MAGI1: variants seen among roughly 807,000 people sequenced by gnomAD.
MAGI1 encodes the protein membrane-associated guanylate kinase, WW and PDZ domain-containing protein 1.
A neutral mutation model predicts 139.9 loss-of-function variants in MAGI1; 58 were observed. That is an observed-to-expected ratio of 0.41 (90% CI 0.34 to 0.52). The LOEUF (loss-of-function observed/expected upper bound fraction) is 0.52. MAGI1 is among the 20% of genes least tolerant of loss of function. The pLI is 0.12. For synonymous variants in MAGI1, 812 were observed against 737.9 expected, an observed-to-expected ratio of 1.10 and a Z score of -1.63; for missense variants, 1,874 against 1,901.6, an observed-to-expected ratio of 0.99 and a Z score of 0.27.
chr3:65,524,370 T>G lies in MAGI1; in HGVS notation c.431-30739A>C, dbSNP rs527457901. Among the ~76,000 whole-genome samples, 148 of 152,354 alleles carry G rather than the reference T, an allele frequency of 9.7e-4. No homozygotes were observed. In the Middle Eastern group the frequency reaches 0.01, roughly 11 times the overall value. On this transcript the variant is annotated intron_variant, in intron 2 of 22. Coordinates refer to ENST00000402939, the MANE Select transcript of MAGI1 (RefSeq NM_001033057.2). ...GCAGCTCATAAAATTGCTGTAAGAA[T>G]GTCTAAGCAATAATGAATAGAAAGT...
chr3:65,910,493 GC>G (rs1237301928), intron 1 of MAGI1, among the ~76,000 whole-genome samples: 2 of 152,124 alleles, frequency 1.3e-5, no homozygotes, highest in African/African-American at 4.8e-5. Flanking sequence ...ATTGCAAATG[GC>G]TTTCCTGTTT....
At chr3:65,879,764 T>C (rs2060252851) in intron 1 of MAGI1, among the ~76,000 whole-genome samples, 1 of 152,186 alleles carries the variant, frequency 6.6e-6, no homozygotes, top group Non-Finnish European at 1.5e-5. Flanking sequence ...TTATTATTAT[T>C]CCCACTTTAC....
chr3:65,447,188 C>T (rs1015465718), intron 7 of MAGI1, among the ~76,000 whole-genome samples: 4 of 152,192 alleles, frequency 2.6e-5, no homozygotes, highest in African/African-American at 9.7e-5. Flanking sequence ...AGCAATTTAG[C>T]TGAAACTTAT....
chr3:65,818,142 A>C (rs187075062), intron 1 of MAGI1, among the ~76,000 whole-genome samples: 2 of 152,304 alleles, frequency 1.3e-5, no homozygotes, highest in African/African-American at 4.8e-5. Context: ...ATACACACAC[A>C]ATATTCTATG....
At chr3:65,565,058 A>G (rs2080547373) in intron 2 of MAGI1, among the ~76,000 whole-genome samples, 1 of 152,208 alleles carries the variant, frequency 6.6e-6, no homozygotes, top group African/African-American at 2.4e-5. Flanking sequence ...GATAACACGA[A>G]TAGGCTCCAA....
intron 1 of MAGI1, among the ~76,000 whole-genome samples, chr3:65,968,569 G>A (rs540066433): frequency 1.2e-3 from 182 of 151,628 alleles, no homozygotes; most frequent in African/African-American, 3.8e-3. Flanking sequence ...TAAGGTGTGT[G>A]TGTATATGCA....
chr3:65,771,931 G>A (rs554416083), intron 1 of MAGI1, among the ~76,000 whole-genome samples: 10 of 152,186 alleles, frequency 6.6e-5, no homozygotes, highest in South Asian at 2.1e-4. Context: ...GGCCAGGCGC[G>A]GTGGCTCACG....
chr3:65,990,562 T>C (rs1419325936), intron 1 of MAGI1, among the ~76,000 whole-genome samples: 1 of 152,162 alleles, frequency 6.6e-6, no homozygotes, highest in African/African-American at 2.4e-5. Context: ...TGATGTTCCT[T>C]TGAGCCGGTT....
At chr3:65,789,554 C>G (rs1295086016) in intron 1 of MAGI1, among the ~76,000 whole-genome samples, 1 of 152,090 alleles carries the variant, frequency 6.6e-6, no homozygotes, top group Admixed American at 6.5e-5. Context: ...AGATGATCAC[C>G]AGAGAAGTTA....
intron 1 of MAGI1, among the ~76,000 whole-genome samples, chr3:65,970,759 T>C (rs1031212236): frequency 6.6e-6 from 1 of 152,192 alleles, no homozygotes; most frequent in South Asian, 2.1e-4. Context: ...GGAAGTTTGT[T>C]ACACAGCATG....
At chr3:66,032,833 T>G (rs1019435656) in intron 1 of MAGI1, among the ~76,000 whole-genome samples, 2 of 147,310 alleles carry the variant, frequency 1.4e-5, no homozygotes, top group African/African-American at 2.5e-5. Flanking sequence ...CAGAATTGCT[T>G]GAACCCGGGA....
At chr3:65,449,816 A>G (rs1948915610) in intron 6 of MAGI1, among the ~76,000 whole-genome samples, 1 of 152,114 alleles carries the variant, frequency 6.6e-6, no homozygotes, top group South Asian at 2.1e-4. Context: ...AGAACAGGAG[A>G]CAAATCCAAG....
intron 1 of MAGI1, among the ~76,000 whole-genome samples, chr3:65,984,076 C>G: frequency 6.6e-6 from 1 of 152,102 alleles, no homozygotes; most frequent in Non-Finnish European, 1.5e-5. Flanking sequence ...GGTGGATCAC[C>G]TGAGGTCAGG....
intron 1 of MAGI1, among the ~76,000 whole-genome samples, chr3:65,953,449 A>G (rs2063961924): frequency 1.3e-5 from 2 of 152,150 alleles, no homozygotes. Context: ...CCAGCCTGAG[A>G]GCGATTACAC....
intron 2 of MAGI1, among the ~76,000 whole-genome samples, chr3:65,589,983 C>T (rs980100060): frequency 4.6e-5 from 7 of 152,140 alleles, no homozygotes; most frequent in Non-Finnish European, 7.4e-5. Context: ...GCACACTCAA[C>T]GATCCATGAC....
At chr3:65,444,150 T>C (rs1432298502) in intron 7 of MAGI1, among the ~76,000 whole-genome samples, 1 of 152,116 alleles carries the variant, frequency 6.6e-6, no homozygotes, top group Admixed American at 6.6e-5. Context: ...AGAAAAAACA[T>C]TTAGCAAGTT....
At chr3:65,380,859 CAA>C (rs1372821383) in intron 16 of MAGI1, 1 of 152,122 alleles carries the variant, frequency 6.6e-6, no homozygotes, top group Admixed American at 6.5e-5. Flanking sequence ...TGTGAGGTCA[CAA>C]ACACACTGGA....
intron 1 of MAGI1, among the ~76,000 whole-genome samples, chr3:65,901,646 G>A (rs1300193209): frequency 6.6e-6 from 1 of 152,210 alleles, no homozygotes; most frequent in Non-Finnish European, 1.5e-5. Context: ...CTTCAGAACG[G>A]TGAAAATCAT....
At chr3:65,668,025 T>C (rs761106510) in intron 1 of MAGI1, among the ~76,000 whole-genome samples, 5 of 152,188 alleles carry the variant, frequency 3.3e-5, no homozygotes, top group Non-Finnish European at 7.3e-5. Context: ...ATCAGGTTTT[T>C]CTGAGAGATA....
Sources: gnomAD v4.1 joint callset for allele counts (sites outside exome capture counted in the v4.1 genomes callset) on GRCh38, gnomAD v4.1.1 for gene constraint, MANE v1.5 for transcripts, NCBI Gene and HGNC (gene_info 2026-07-23, HGNC 2026-07-21) for gene names.